Variants in ZSCAN5A observed in about 807,000 individuals in gnomAD.
ZSCAN5A encodes zinc finger and SCAN domain containing 5A, also known as zinc finger and SCAN domain-containing protein 5A.
A neutral mutation model predicts 23.7 loss-of-function variants in ZSCAN5A; 12 were observed. The observed-to-expected ratio is 0.51, with a 90% confidence interval of 0.32 to 0.82. The LOEUF is 0.82. Ranked by LOEUF, ZSCAN5A falls within the 40% of genes least tolerant of loss-of-function variation. The pLI is 0.03. For synonymous variants in ZSCAN5A, 257 were observed against 239.9 expected, an observed-to-expected ratio of 1.07 and a Z score of -0.66; for missense variants, 597 against 617.9, an observed-to-expected ratio of 0.97 and a Z score of 0.36.
rs1409286401 is a variant in ZSCAN5A at position 56,224,803 on chromosome 19, G to C, written c.244C>G (p.Gln82Glu). The C allele has an allele frequency of 6.2e-7, 1 of 1,611,188 alleles. No homozygotes were observed. The highest frequency in any genetic ancestry group is 8.5e-7 in the Non-Finnish European group (1 of 1,178,422). Residue 82 changes from glutamine (Q) to glutamate (E), a missense_variant, in exon 3 of 6, where the codon CAG (glutamine) becomes GAG (glutamate). Transcript: ENST00000683990. Reference sequence around the variant, plus strand: ...TCCATCACCAGCATGTCCAGGATCTGCTCTTTGGTGTGGAGGTCGGGCCTC... The same window carrying C: ...TCCATCACCAGCATGTCCAGGATCTCCTCTTTGGTGTGGAGGTCGGGCCTC... ...WLRPDLHTKE[Q>E]ILDMLVMEQF... is the part of the protein sequence containing the mutation.
intron 2 of ZSCAN5A, among the ~76,000 whole-genome samples, chr19:56,235,018 TC>T: frequency 6.6e-6 from 1 of 152,144 alleles, no homozygotes; most frequent in African/African-American, 2.4e-5. Context: ...ACATCCTCAC[TC>T]CTGTGATAAC....
rs2033277223 is a variant in ZSCAN5A, at chr19:56,222,078, T to C, written c.988A>G (p.Met330Val). ...GNRESPGQAG[M>V]NSIHSPGPAS... ...GGGCCTGGGGAATGAATTGAATTCA[T>C]CCCAGCTTGTCCCGGGGATTCTCTG... is the stretch of plus-strand genomic sequence containing the variant. The change falls in exon 6 of 6, where the codon ATG (methionine) becomes GTG (valine). Residue 330 changes from methionine (M) to valine (V), a missense_variant. Around this residue, in one of 5 missense-constraint regions of ZSCAN5A, gnomAD observed 406 missense variants for 353.2 expected, o/e 1.15. Transcript: ENST00000683990. 1 of 1,614,182 alleles carries C rather than the reference T, an allele frequency of 6.2e-7. No individual in the cohort carries two copies. Among genetic ancestry groups the C allele is most frequent in the Non-Finnish European group, 8.5e-7 (1 of 1,180,030 alleles).
intron 2 of ZSCAN5A, among the ~76,000 whole-genome samples, chr19:56,239,232 G>A (rs2035218443): frequency 6.6e-6 from 1 of 152,316 alleles, no homozygotes; most frequent in East Asian, 1.9e-4. Context: ...ACCCTTCAAT[G>A]TATGTTAAGT....
chr19:56,274,053 G>C (rs2038061293), intron 2 of ZSCAN5A, among the ~76,000 whole-genome samples: 1 of 152,162 alleles, frequency 6.6e-6, no homozygotes, highest in Non-Finnish European at 1.5e-5. Flanking sequence ...ATTGAGTGAT[G>C]GGTCAGATGC....
chr19:56,239,665 A>G (rs1039044174), intron 2 of ZSCAN5A, among the ~76,000 whole-genome samples: 3 of 152,062 alleles, frequency 2.0e-5, no homozygotes, highest in African/African-American at 7.2e-5. Flanking sequence ...GAGTTTGAAA[A>G]AGAAAAGTAA....
chr19:56,305,289 T>C (rs1226193237), intron 2 of ZSCAN5A, among the ~76,000 whole-genome samples: 2 of 152,220 alleles, frequency 1.3e-5, no homozygotes, highest in Non-Finnish European at 2.9e-5. Flanking sequence ...ACTCTCTGTC[T>C]CTGAGAACTC....
At chr19:56,322,944 G>C (rs2041392971) in intron 2 of ZSCAN5A, among the ~76,000 whole-genome samples, 1 of 147,464 alleles carries the variant, frequency 6.8e-6, no homozygotes. Flanking sequence ...GCCCAGGCTG[G>C]AGTGCAGTGG....
At chr19:56,253,950 G>C (rs1425993424) in intron 2 of ZSCAN5A, among the ~76,000 whole-genome samples, 1 of 152,042 alleles carries the variant, frequency 6.6e-6, no homozygotes, top group African/African-American at 2.4e-5. Context: ...AAAAGATCTT[G>C]TTCTAACAGA....
chr19:56,342,256 T>C (rs1316062079), intron 2 of ZSCAN5A, among the ~76,000 whole-genome samples: 1 of 152,028 alleles, frequency 6.6e-6, no homozygotes, highest in Non-Finnish European at 1.5e-5. Flanking sequence ...AGGACTAAAT[T>C]TACCATACAA....
At chr19:56,319,878 C>T (rs1163902048) in intron 2 of ZSCAN5A, 1 of 848,262 alleles carries the variant, frequency 1.2e-6, no homozygotes, top group Non-Finnish European at 2.1e-6. Flanking sequence ...GACACCCTTC[C>T]TTTTTGAATA....
chr19:56,300,735 T>C (rs142346436), intron 2 of ZSCAN5A, among the ~76,000 whole-genome samples: 5 of 152,336 alleles, frequency 3.3e-5, no homozygotes. Flanking sequence ...TCGATTTGCA[T>C]TTGCCTGTAC....
intron 2 of ZSCAN5A, chr19:56,246,511 T>C (rs1487788373): frequency 1.5e-6 from 1 of 659,890 alleles, no homozygotes; most frequent in African/African-American, 1.8e-5. Context: ...CCCTCTCTTC[T>C]GGGGTGTGGG....
At chr19:56,254,447 G>A (rs1320330403) in intron 2 of ZSCAN5A, among the ~76,000 whole-genome samples, 1 of 151,994 alleles carries the variant, frequency 6.6e-6, no homozygotes, top group Non-Finnish European at 1.5e-5. Flanking sequence ...TCCTCCCTTT[G>A]GAAAGGGGAA....
intron 1 of ZSCAN5A, chr19:56,364,971 T>C (rs1034742274): frequency 6.6e-5 from 10 of 152,216 alleles, no homozygotes; most frequent in Admixed American, 3.9e-4. Flanking sequence ...AGGTGATGGT[T>C]ACATGGGCAT....
chr19:56,291,858 G>A (rs1005038362), intron 2 of ZSCAN5A, among the ~76,000 whole-genome samples: 2 of 152,194 alleles, frequency 1.3e-5, no homozygotes, highest in Admixed American at 1.3e-4. Flanking sequence ...GTAATGCCAT[G>A]ATGAGGATGG....
At position 56,351,559 on chromosome 19, in the gene ZSCAN5A, T is replaced by C. The variant is rs2041667504; in HGVS notation, c.-358+11676A>G. ...CGCACAGGGTCTATCTCTGTTCCTT[T>C]CCCATGTCTCAGTACGGGGGAGCTG... On this transcript the variant is annotated intron_variant, in intron 2 of 6. Coordinates refer to the ZSCAN5A transcript ENST00000587340. The surrounding 1 kb of genome is among the most constrained non-coding windows in gnomAD (Gnocchi z 4.8). Among the ~76,000 whole-genome samples the C allele has an allele frequency of 6.6e-6, 1 of 152,176 alleles. No homozygotes were observed. The highest frequency in any genetic ancestry group is 6.5e-5 in the Admixed American group (1 of 15,268).
At chr19:56,255,133 G>C (rs901391220) in intron 2 of ZSCAN5A, among the ~76,000 whole-genome samples, 8 of 151,966 alleles carry the variant, frequency 5.3e-5, no homozygotes, top group Non-Finnish European at 1.2e-4. Context: ...ATGATTTGTC[G>C]TGTTCTGACA....
intron 1 of ZSCAN5A, among the ~76,000 whole-genome samples, chr19:56,366,146 G>A (rs766305970): frequency 3.4e-4 from 52 of 152,138 alleles, no homozygotes; most frequent in Non-Finnish European, 5.0e-4. Flanking sequence ...GGTTTTACTC[G>A]GAAGGACTTG....
In ZSCAN5A at chr19:56,221,468, C is replaced by T. The variant is rs181267764; in HGVS notation, c.*107G>A. The stretch of plus-strand genomic sequence containing the variant: ...TGGCAATTCATATCTAGGGCACTCC[C>T]TCTGTGTGTCAGACGCCCTTGCATG... On this transcript the variant is annotated 3_prime_UTR_variant, in exon 6 of 6. Coordinates refer to ENST00000683990, the MANE Select transcript of ZSCAN5A (RefSeq NM_001322064.3). 1.7e-4 allele frequency: 241 copies of T among 1,392,358 alleles called. No homozygotes were observed. In the African/African-American group the frequency reaches 3.1e-3, roughly 18 times the overall value. 86.3% of individuals were successfully genotyped at this position (1,392,358 alleles called of 1,614,324 possible).
Sources: allele counts gnomAD v4.1 joint callset (sites outside exome capture counted in the v4.1 genomes callset), GRCh38; gene constraint gnomAD v4.1.1; regional missense constraint gnomAD v4.1.1; non-coding constraint Gnocchi (gnomAD v3.1); transcripts MANE v1.5; gene names NCBI Gene and HGNC (gene_info 2026-07-23, HGNC 2026-07-21).